GABRA3: variants seen among roughly 807,000 people sequenced by gnomAD.
GABRA3 encodes the protein gamma-aminobutyric acid type A receptor subunit alpha3, also known as gamma-aminobutyric acid receptor subunit alpha-3.
Under a neutral mutation model 30.1 loss-of-function variants are expected in GABRA3, and 10 were observed. That is an observed-to-expected ratio of 0.33 (90% CI 0.20 to 0.56). GABRA3 has a LOEUF of 0.56. Ranked by LOEUF, GABRA3 falls within the 20% of genes least tolerant of loss-of-function variation. The pLI is 0.89. For missense variants in GABRA3, 233 were observed against 392.0 expected (o/e 0.59, Z 3.42); for synonymous variants, 151 against 146.8 (o/e 1.03, Z -0.21).
chrX:152,373,268 C>G (rs1411910294), intron 1 of GABRA3, among the ~76,000 whole-genome samples: 1 of 111,735 alleles, frequency 8.9e-6, no homozygotes, highest in Non-Finnish European at 1.9e-5. Flanking sequence ...ATTAGGTATT[C>G]TTGATGCTCT....
chrX:152,291,976 T>TC (rs1483159340), intron 3 of GABRA3, among the ~76,000 whole-genome samples: 8 of 111,772 alleles, frequency 7.2e-5, no homozygotes, highest in Non-Finnish European at 1.3e-4. Context: ...TTTAAAATTC[T>TC]CTTTTTTTTG....
At chrX:152,449,346 G>A (rs1272153068) in intron 1 of GABRA3, among the ~76,000 whole-genome samples, 1 of 111,952 alleles carries the variant, frequency 8.9e-6, no homozygotes, top group Non-Finnish European at 1.9e-5. Flanking sequence ...ATAAATTCAA[G>A]AACTGAGTAG....
chrX:152,405,466 G>A (rs1345448985), intron 1 of GABRA3, among the ~76,000 whole-genome samples: 1 of 110,291 alleles, frequency 9.1e-6, no homozygotes, highest in South Asian at 3.9e-4. Context: ...GGCAGTGGAC[G>A]TGGACTGTGC....
intron 3 of GABRA3, among the ~76,000 whole-genome samples, chrX:152,320,464 A>T (rs1423672026): frequency 8.9e-6 from 1 of 112,017 alleles, no homozygotes; most frequent in Non-Finnish European, 1.9e-5. Context: ...CAGTGAAGTA[A>T]CTCAGGAATG....
chrX:152,403,536 T>C (rs1434701123), intron 1 of GABRA3, among the ~76,000 whole-genome samples: 1 of 95,782 alleles, frequency 1.0e-5, no homozygotes, highest in African/African-American at 3.6e-5. Flanking sequence ...GTGTGTGTGC[T>C]TGTGTGTGTG....
intron 9 of GABRA3, among the ~76,000 whole-genome samples, chrX:152,174,079 T>C (rs1015253818): frequency 1.8e-5 from 2 of 110,803 alleles, no homozygotes; most frequent in African/African-American, 6.6e-5. Flanking sequence ...CTGAGAATGA[T>C]GGTTTCCAGC....
intron 1 of GABRA3, among the ~76,000 whole-genome samples, chrX:152,386,458 A>G (rs1003855977): frequency 9.0e-6 from 1 of 111,139 alleles, no homozygotes; most frequent in Non-Finnish European, 1.9e-5. Context: ...CAAGAAAAAA[A>G]CAAACAACCC....
chrX:152,326,134 T>A (rs1286572139), intron 3 of GABRA3, among the ~76,000 whole-genome samples: 1 of 109,066 alleles, frequency 9.2e-6, no homozygotes, highest in Non-Finnish European at 1.9e-5. Flanking sequence ...TGAAATGGAG[T>A]GAGAAGAGAA....
At chrX:152,231,347 G>A (rs759808109) in intron 5 of GABRA3, among the ~76,000 whole-genome samples, 5 of 109,088 alleles carry the variant, frequency 4.6e-5, no homozygotes, top group Non-Finnish European at 7.7e-5. Context: ...ATACACGTGT[G>A]TATATACGTG....
chrX:152,268,162 A>AT (rs200245751), intron 4 of GABRA3, among the ~76,000 whole-genome samples: 63 of 109,394 alleles, frequency 5.8e-4, no homozygotes, highest in African/African-American at 1.3e-3. Context: ...TATCCCACAG[A>AT]TTTTTTTTAT....
At chrX:152,193,121 C>T (rs980953478) in intron 8 of GABRA3, among the ~76,000 whole-genome samples, 3 of 111,512 alleles carry the variant, frequency 2.7e-5, no homozygotes, top group Non-Finnish European at 5.6e-5. Context: ...TCTGGTGATA[C>T]CCCTTTCTGC....
chrX:152,285,447 A>G (rs937076370), intron 3 of GABRA3, among the ~76,000 whole-genome samples: 1 of 111,344 alleles, frequency 9.0e-6, no homozygotes, highest in African/African-American at 3.3e-5. Context: ...CTTCATTGTA[A>G]CCATTTGTTT....
chrX:152,341,129 G>A (rs1344614287), intron 3 of GABRA3, among the ~76,000 whole-genome samples: 5 of 110,853 alleles, frequency 4.5e-5, no homozygotes, highest in Non-Finnish European at 9.4e-5. Context: ...TATAGTATTT[G>A]GTTTTCCATT....
intron 3 of GABRA3, among the ~76,000 whole-genome samples, chrX:152,320,025 A>G (rs988559925): frequency 5.4e-5 from 6 of 111,141 alleles, no homozygotes; most frequent in Admixed American, 1.9e-4. Context: ...ACAATGTGAT[A>G]CCACCTAGCT....
At chrX:152,446,991 T>C (rs1312584041) in intron 1 of GABRA3, among the ~76,000 whole-genome samples, 1 of 111,842 alleles carries the variant, frequency 8.9e-6, no homozygotes, top group Non-Finnish European at 1.9e-5. Context: ...TCAAAGTTTG[T>C]CTCATCTTCA....
At chrX:152,401,505 A>C (rs1382611106) in intron 1 of GABRA3, among the ~76,000 whole-genome samples, 1 of 111,632 alleles carries the variant, frequency 9.0e-6, no homozygotes, top group Non-Finnish European at 1.9e-5. Context: ...ATAACAGATA[A>C]AAATCTAAAA....
At chrX:152,389,870 A>T (rs1268587067) in intron 1 of GABRA3, among the ~76,000 whole-genome samples, 1 of 110,812 alleles carries the variant, frequency 9.0e-6, no homozygotes, top group Non-Finnish European at 1.9e-5. Context: ...GCTCATGCTT[A>T]GAAAATTGTG....
chrX:152,328,734 G>A (rs1940110263), intron 3 of GABRA3, among the ~76,000 whole-genome samples: 1 of 111,383 alleles, frequency 9.0e-6, no homozygotes, highest in Non-Finnish European at 1.9e-5. Context: ...CAAACCCACA[G>A]CCAATATCAT....
At chrX:152,348,299 A>G (rs1262182195) in intron 2 of GABRA3, among the ~76,000 whole-genome samples, 1 of 111,488 alleles carries the variant, frequency 9.0e-6, no homozygotes, top group Admixed American at 9.6e-5. Flanking sequence ...CATTTTACAC[A>G]TGAGACACCT....
Sources: allele counts gnomAD v4.1 joint callset (sites outside exome capture counted in the v4.1 genomes callset), GRCh38; gene constraint gnomAD v4.1.1; transcripts MANE v1.5; gene names NCBI Gene and HGNC (gene_info 2026-07-23, HGNC 2026-07-21).